The following SLC35D4 variants were observed in gnomAD, a reference collection of about 807,000 sequenced individuals.
SLC35D4 encodes the protein solute carrier family 35 member D4.
At chr18:23,361,748 C>A in the SLC35D4 span, among the ~76,000 whole-genome samples, 7 of 152,288 alleles carry the variant, frequency 4.6e-5, no homozygotes, top group East Asian at 1.2e-3. Context: ...CACTCTTTTT[C>A]AAAAATTATG....
the SLC35D4 span, among the ~76,000 whole-genome samples, chr18:23,355,630 C>A: frequency 6.8e-6 from 1 of 147,642 alleles, no homozygotes; most frequent in Non-Finnish European, 1.5e-5. Flanking sequence ...ACCAGAGGAG[C>A]AGGACATACC....
the SLC35D4 span, among the ~76,000 whole-genome samples, chr18:23,392,326 C>T: frequency 7.9e-5 from 12 of 152,300 alleles, no homozygotes; most frequent in South Asian, 2.5e-3. Flanking sequence ...CACACATCCT[C>T]TCTGGAAGAA....
chr18:23,303,704 C>T, the SLC35D4 span, among the ~76,000 whole-genome samples: 1 of 152,056 alleles, frequency 6.6e-6, no homozygotes, highest in Non-Finnish European at 1.5e-5. Flanking sequence ...AGTTCGAGAC[C>T]AGCCTGGCCA....
the SLC35D4 span, among the ~76,000 whole-genome samples, chr18:23,413,568 G>A: frequency 6.6e-6 from 1 of 152,134 alleles, no homozygotes; most frequent in Non-Finnish European, 1.5e-5. Context: ...TAGATGTGTC[G>A]CTGAGTGAGC....
the SLC35D4 span, among the ~76,000 whole-genome samples, chr18:23,315,715 C>T: frequency 6.6e-6 from 1 of 152,168 alleles, no homozygotes; most frequent in South Asian, 2.1e-4. Flanking sequence ...GTTCCCTCCA[C>T]AGAGTTAGAA....
chr18:23,263,661 G>A, the SLC35D4 span, among the ~76,000 whole-genome samples: 18 of 152,248 alleles, frequency 1.2e-4, no homozygotes, highest in African/African-American at 9.6e-5. Context: ...TACGCTCTGC[G>A]TGTTCCTTGG....
At chr18:23,350,108 T>C in the SLC35D4 span, among the ~76,000 whole-genome samples, 1 of 152,204 alleles carries the variant, frequency 6.6e-6, no homozygotes, top group East Asian at 1.9e-4. Context: ...TAACATACGG[T>C]AGCAACTCTG....
chr18:23,239,267 C>T, the SLC35D4 span, among the ~76,000 whole-genome samples: 2 of 152,202 alleles, frequency 1.3e-5, no homozygotes. Flanking sequence ...TTTTTAATTT[C>T]ACTGCATTGG....
the SLC35D4 span, among the ~76,000 whole-genome samples, chr18:23,242,955 G>A: frequency 6.6e-6 from 1 of 151,790 alleles, no homozygotes; most frequent in African/African-American, 2.4e-5. Flanking sequence ...GACTAATTCA[G>A]CCTTCCATGA....
At chr18:23,402,359 G>GA in the SLC35D4 span, among the ~76,000 whole-genome samples, 12 of 152,162 alleles carry the variant, frequency 7.9e-5, no homozygotes, top group South Asian at 2.1e-4. Context: ...TATTTCAATG[G>GA]AAAATCATAG....
At chr18:23,414,963 A>C in the SLC35D4 span, among the ~76,000 whole-genome samples, 7 of 152,110 alleles carry the variant, frequency 4.6e-5, no homozygotes, top group Non-Finnish European at 5.9e-5. Context: ...AGTTTTAAAA[A>C]TTAGCCAGCA....
At chr18:23,246,662 A>G in the SLC35D4 span, among the ~76,000 whole-genome samples, 1 of 151,200 alleles carries the variant, frequency 6.6e-6, no homozygotes, top group African/African-American at 2.4e-5. Context: ...AAGTGCTGGG[A>G]TTATATGCTT....
chr18:23,412,598 C>CA, the SLC35D4 span, among the ~76,000 whole-genome samples: 1 of 152,134 alleles, frequency 6.6e-6, no homozygotes, highest in Non-Finnish European at 1.5e-5. Context: ...CCTCCTGACT[C>CA]AGAGAGGATC....
At chr18:23,353,397 C>T in the SLC35D4 span, among the ~76,000 whole-genome samples, 306 of 152,188 alleles carry the variant, frequency 2.0e-3, 4 homozygotes, top group East Asian at 0.04. Context: ...GGCTGCTCTT[C>T]GTATTTTCAA....
chr18:23,291,803 A>G, the SLC35D4 span, among the ~76,000 whole-genome samples: 9 of 152,194 alleles, frequency 5.9e-5, no homozygotes, highest in Non-Finnish European at 1.2e-4. Flanking sequence ...AGAGAAAGGA[A>G]CAGAACTGTA....
the SLC35D4 span, among the ~76,000 whole-genome samples, chr18:23,431,689 T>C: frequency 1.3e-5 from 2 of 152,216 alleles, no homozygotes; most frequent in Non-Finnish European, 2.9e-5. Context: ...ACGGACTTTT[T>C]TTAAACCAAC....
the SLC35D4 span, among the ~76,000 whole-genome samples, chr18:23,254,423 C>T: frequency 6.6e-6 from 1 of 152,176 alleles, no homozygotes; most frequent in African/African-American, 2.4e-5. Context: ...CCTTGGATGG[C>T]TACATGAATG....
At chr18:23,337,470 GT>G in the SLC35D4 span, among the ~76,000 whole-genome samples, 15 of 147,528 alleles carry the variant, frequency 1.0e-4, no homozygotes, top group African/African-American at 3.5e-4. Flanking sequence ...GCAAGACTCC[GT>G]CTCAAAAAAA....
chr18:23,243,743 G>A, the SLC35D4 span, among the ~76,000 whole-genome samples: 1 of 151,674 alleles, frequency 6.6e-6, no homozygotes, highest in African/African-American at 2.4e-5. Context: ...GTGGTGGCAG[G>A]TGCCTGTAAT....
Sources: gnomAD v4.1 joint callset for allele counts (sites outside exome capture counted in the v4.1 genomes callset) on GRCh38, gnomAD v4.1.1 for gene constraint, MANE v1.5 for transcripts, NCBI Gene and HGNC (gene_info 2026-07-23, HGNC 2026-07-21) for gene names.